SNRPN: variants seen among roughly 807,000 people sequenced by gnomAD.
SNRPN encodes small nuclear ribonucleoprotein-associated protein N.
Under a neutral mutation model 25.2 loss-of-function variants are expected in SNRPN, and 7 were observed. The observed-to-expected ratio is 0.28, with a 90% CI of 0.16 to 0.52. The LOEUF is 0.52. SNRPN is among the 20% of genes least tolerant of loss of function. SNRPN has a pLI of 0.96. For missense variants in SNRPN, 196 were observed against 322.5 expected, an observed-to-expected ratio of 0.61 and a Z score of 3.00; for synonymous variants, 124 against 110.6, an observed-to-expected ratio of 1.12 and a Z score of -0.76.
intron 3 of SNRPN, among the ~76,000 whole-genome samples, chr15:24,931,417 G>A (rs2060845434): frequency 1.3e-5 from 2 of 152,166 alleles, no homozygotes; most frequent in African/African-American, 4.8e-5. Flanking sequence ...TGTGTACAGA[G>A]GTGACTGGGT....
upstream of SNRPN, among the ~76,000 whole-genome samples, chr15:24,852,751 G>C (rs1026371162): frequency 6.6e-6 from 1 of 151,942 alleles, no homozygotes; most frequent in Non-Finnish European, 1.5e-5. Flanking sequence ...ATGGCAGAAC[G>C]CTGTTTCTAA....
At chr15:24,973,458 C>A (rs1422114072) in intron 3 of SNRPN, among the ~76,000 whole-genome samples, 2 of 151,630 alleles carry the variant, frequency 1.3e-5, no homozygotes, top group African/African-American at 4.8e-5. Flanking sequence ...AGTGCAGTGG[C>A]GCGATCTCAG....
chr15:24,927,495 T>TTACTTTTGACCAC (rs2060483151), intron 3 of SNRPN, among the ~76,000 whole-genome samples: 1 of 34,064 alleles, frequency 2.9e-5, no homozygotes, highest in Non-Finnish European at 6.7e-5. Context: ...TTTTTTTTTT[T>TTACTTTTGACCAC]TTTTTTTTTT....
At chr15:24,960,057 G>T (rs1301283308) in intron 1 of SNRPN, among the ~76,000 whole-genome samples, 1 of 151,958 alleles carries the variant, frequency 6.6e-6, no homozygotes, top group Non-Finnish European at 1.5e-5. Context: ...CTGAGGGCAG[G>T]AGCTCGACAT....
chr15:24,938,029 GT>G (rs1469143430), intron 3 of SNRPN, among the ~76,000 whole-genome samples: 1 of 151,382 alleles, frequency 6.6e-6, no homozygotes, highest in East Asian at 1.9e-4. Flanking sequence ...GGATGTTTAG[GT>G]TGCTTCTGCC....
chr15:24,930,725 C>A (rs549342907), intron 3 of SNRPN, among the ~76,000 whole-genome samples: 4 of 151,662 alleles, frequency 2.6e-5, no homozygotes, highest in African/African-American at 9.7e-5. Context: ...CATGGTGAAA[C>A]CCCGTCTCTA....
chr15:24,907,333 T>C (rs986926298), intron 2 of SNRPN, among the ~76,000 whole-genome samples: 1 of 152,014 alleles, frequency 6.6e-6, no homozygotes, highest in Non-Finnish European at 1.5e-5. Flanking sequence ...CATGGTGGCT[T>C]ATGCCTGTAA....
At chr15:24,963,665 T>C (rs2075196155) in intron 2 of SNRPN, among the ~76,000 whole-genome samples, 1 of 152,124 alleles carries the variant, frequency 6.6e-6, no homozygotes, top group South Asian at 2.1e-4. Context: ...TTTATTTTAT[T>C]TTTTTCAAAT....
At chr15:24,898,708 A>T (rs2058246269) in intron 2 of SNRPN, among the ~76,000 whole-genome samples, 1 of 152,196 alleles carries the variant, frequency 6.6e-6, no homozygotes, top group African/African-American at 2.4e-5. Flanking sequence ...TATCAATTTA[A>T]TCTGTCTTTA....
At chr15:24,886,870 T>G (rs1343868364) in intron 2 of SNRPN, among the ~76,000 whole-genome samples, 1 of 152,084 alleles carries the variant, frequency 6.6e-6, no homozygotes, top group Non-Finnish European at 1.5e-5. Context: ...AATGTTACAT[T>G]TCTTCTTCAC....
intron 1 of SNRPN, among the ~76,000 whole-genome samples, chr15:24,829,212 G>C (rs977442688): frequency 1.3e-5 from 2 of 152,072 alleles, no homozygotes; most frequent in Non-Finnish European, 2.9e-5. Flanking sequence ...GATGTTAAAG[G>C]CCAATGGGGA....
upstream of SNRPN, among the ~76,000 whole-genome samples, chr15:24,853,222 C>T (rs1264357141): frequency 6.6e-6 from 1 of 152,146 alleles, no homozygotes; most frequent in Non-Finnish European, 1.5e-5. Flanking sequence ...GCTATCCATG[C>T]TTTATTCACA....
chr15:24,978,192 G>A lies in SNRPN; in HGVS notation c.560-1G>A. The A allele has an allele frequency of 6.2e-7, 1 of 1,612,508 alleles. No homozygotes were observed. On this transcript the variant is annotated splice_acceptor_variant, in intron 8 of 9. Coordinates refer to ENST00000390687, the MANE Select transcript of SNRPN (RefSeq NM_003097.6). LOFTEE classifies it high-confidence loss of function. ...TTTATTTCTACCATTTTTCACTGTA[G>A]GCATTATGGCTCCTCCACCTGGTAT...
Position 24,978,570 on chromosome 15 carries a change from C to A in SNRPN, c.*126C>A, listed in dbSNP as rs979218781. ...AATAGCTAATAATAAATGCATAGAG[C>A]AATTAAACTGTGAGGTACTGTTGTA... On this transcript the variant is annotated 3_prime_UTR_variant, in exon 10 of 10. Coordinates refer to ENST00000390687, the MANE Select transcript of SNRPN (RefSeq NM_003097.6). 2.3e-6 allele frequency: 2 copies of A among 881,110 alleles called. No individual in the cohort carries two copies. The highest frequency in any genetic ancestry group is 3.7e-5 in the Admixed American group (2 of 53,856). The allele number at this position is 881,110 out of a possible 1,614,324, so 54.6% of individuals were successfully genotyped here.
At chr15:24,973,546 C>T (rs1362867029) in intron 3 of SNRPN, among the ~76,000 whole-genome samples, 1 of 151,994 alleles carries the variant, frequency 6.6e-6, no homozygotes, top group African/African-American at 2.4e-5. Context: ...TACAGGCACC[C>T]ACCACCATGC....
intron 2 of SNRPN, among the ~76,000 whole-genome samples, 180 bp downstream of exon 2, chr15:24,962,389 C>T (rs1008662286): frequency 1.3e-5 from 2 of 152,268 alleles, no homozygotes; most frequent in Admixed American, 6.5e-5. Flanking sequence ...ATAATTCACC[C>T]TCTTAAAGAT....
chr15:24,940,593 C>A (rs1344749085), intron 3 of SNRPN, among the ~76,000 whole-genome samples: 1 of 152,070 alleles, frequency 6.6e-6, no homozygotes, highest in Non-Finnish European at 1.5e-5. Context: ...TATTTTTAGT[C>A]TTTACATTTC....
intron 1 of SNRPN, among the ~76,000 whole-genome samples, chr15:24,961,080 TTGA>T (rs1454370661): frequency 6.6e-6 from 1 of 152,240 alleles, no homozygotes; most frequent in Admixed American, 6.5e-5. Flanking sequence ...ACTTTATTTT[TTGA>T]TGAAGTCCAC....
chr15:24,849,243 T>G (rs2052572560), intron 2 of SNRPN: 1 of 152,312 alleles, frequency 6.6e-6, no homozygotes, highest in Admixed American at 6.5e-5. Context: ...TACTATGTTT[T>G]AAAACAGTGG....
Sources: allele counts gnomAD v4.1 joint callset (sites outside exome capture counted in the v4.1 genomes callset), GRCh38; gene constraint gnomAD v4.1.1; transcripts MANE v1.5; gene names NCBI Gene and HGNC (gene_info 2026-07-23, HGNC 2026-07-21).